The following TAF1B variants were observed in gnomAD, a reference collection of about 807,000 sequenced individuals.
The protein encoded by TAF1B is TATA-box binding protein associated factor, RNA polymerase I subunit B.
TAF1B carries 61 observed loss-of-function variants against 83.9 expected under a neutral mutation model. The observed-to-expected ratio is 0.73, with a 90% CI of 0.59 to 0.90. The LOEUF (loss-of-function observed/expected upper bound fraction) is 0.90. Among genes scored for constraint, TAF1B ranks in the 40% least tolerant of loss-of-function variants. The pLI is 0.00. For synonymous variants in TAF1B, 221 were observed against 224.6 expected (o/e 0.98, Z 0.14); for missense variants, 625 against 677.0 (o/e 0.92, Z 0.85).
At chr2:9,857,052 G>A (rs1663588013) in intron 5 of TAF1B, among the ~76,000 whole-genome samples, 2 of 152,164 alleles carry the variant, frequency 1.3e-5, no homozygotes, top group South Asian at 4.1e-4. Flanking sequence ...AAATTAACAA[G>A]CAAATATAGA....
chr2:9,845,974 C>T, intron 2 of TAF1B: 1 of 378,960 alleles, frequency 2.6e-6, no homozygotes. Flanking sequence ...CAGAGCAAGA[C>T]TCTGTCTAAA....
chr2:9,922,052 CA>C (rs1665895119), intron 14 of TAF1B, among the ~76,000 whole-genome samples: 1 of 152,168 alleles, frequency 6.6e-6, no homozygotes, highest in Non-Finnish European at 1.5e-5. Flanking sequence ...ATCTCATCCC[CA>C]TATTGACATA....
At chr2:9,846,170 A>AT in intron 2 of TAF1B, 1 of 466,572 alleles carries the variant, frequency 2.1e-6, no homozygotes, top group South Asian at 1.6e-5. Flanking sequence ...AAGTTACCCA[A>AT]GTACCAGGAC....
At chr2:9,851,138 C>T (rs555036205) in intron 3 of TAF1B, among the ~76,000 whole-genome samples, 15 of 152,156 alleles carry the variant, frequency 9.9e-5, no homozygotes, top group Admixed American at 2.0e-4. Flanking sequence ...TGCTGGGCAT[C>T]GTTCATCATT....
intron 12 of TAF1B, among the ~76,000 whole-genome samples, chr2:9,916,147 A>G (rs1244259459): frequency 6.6e-6 from 1 of 152,234 alleles, no homozygotes; most frequent in African/African-American, 2.4e-5. Flanking sequence ...ACACACATGC[A>G]ACTGTATGTG....
intron 11 of TAF1B, among the ~76,000 whole-genome samples, 197 bp from the exon 12 acceptor site, chr2:9,912,961 CT>C (rs1665577119): frequency 6.6e-6 from 1 of 152,188 alleles, no homozygotes; most frequent in African/African-American, 2.4e-5. Context: ...AGAATAATCC[CT>C]GTATGGAGTG....
intron 7 of TAF1B, among the ~76,000 whole-genome samples, chr2:9,877,288 G>C (rs1485700047): frequency 6.6e-6 from 1 of 152,064 alleles, no homozygotes; most frequent in Non-Finnish European, 1.5e-5. Flanking sequence ...ATGTCTTTAT[G>C]GTATCTCAGA....
At chr2:9,896,416 T>G (rs917607167) in intron 8 of TAF1B, among the ~76,000 whole-genome samples, 2 of 152,186 alleles carry the variant, frequency 1.3e-5, no homozygotes, top group African/African-American at 4.8e-5. Context: ...CCCCCTTCCA[T>G]GCCTTAGCTT....
chr2:9,847,755 G>C (rs903646400), intron 2 of TAF1B, among the ~76,000 whole-genome samples: 5 of 152,182 alleles, frequency 3.3e-5, no homozygotes, highest in African/African-American at 1.2e-4. Context: ...GAATGTAAGA[G>C]ATTTTTATGA....
At chr2:9,853,952 A>AT (rs1663479451) in intron 4 of TAF1B, among the ~76,000 whole-genome samples, 1 of 152,066 alleles carries the variant, frequency 6.6e-6, no homozygotes, top group Non-Finnish European at 1.5e-5. Flanking sequence ...ATTAAGAAGG[A>AT]TTTTTTCAGC....
At chr2:9,931,715 G>C (rs1341027260) in intron 14 of TAF1B, among the ~76,000 whole-genome samples, 3 of 152,162 alleles carry the variant, frequency 2.0e-5, no homozygotes, top group Non-Finnish European at 4.4e-5. Context: ...ATGTTGGCCT[G>C]CCTTGCTAGG....
At chr2:9,892,939 A>T (rs1664915131) in intron 8 of TAF1B, among the ~76,000 whole-genome samples, 1 of 152,058 alleles carries the variant, frequency 6.6e-6, no homozygotes, top group African/African-American at 2.4e-5. Context: ...TCATCTTTTT[A>T]AATTAATTTT....
chr2:9,857,498 G>A (rs1663601523), intron 5 of TAF1B, among the ~76,000 whole-genome samples: 1 of 152,210 alleles, frequency 6.6e-6, no homozygotes, highest in Non-Finnish European at 1.5e-5. Context: ...TGAAGGGTAA[G>A]TGGGCCAGGA....
Position 9,884,322 on chromosome 2 carries a change from C to T in TAF1B, c.807+1517C>T, listed in dbSNP as rs573550081. 3.9e-5 allele frequency among the ~76,000 whole-genome samples: 6 copies of T among 152,320 alleles called. No individual in the cohort carries two copies. The South Asian group carries it at 6.2e-4, about 16-fold the overall frequency. ...CCCAGGTCTGGACTCCCCAAAGGAC[C>T]GCAGCTCTTCTTTCCTTCTCTTTGC... is the stretch of plus-strand genomic sequence containing the variant. On this transcript the variant is annotated intron_variant, in intron 8 of 14. Transcript: ENST00000263663.
intron 2 of TAF1B, among the ~76,000 whole-genome samples, 194 bp from the exon 3 acceptor site, chr2:9,849,179 C>A (rs1417398585): frequency 6.6e-6 from 1 of 152,090 alleles, no homozygotes; most frequent in Non-Finnish European, 1.5e-5. Context: ...GTTTTAGTTA[C>A]TGAGAAATTT....
chr2:9,854,377 G>A lies in TAF1B; in HGVS notation c.355G>A (p.Ala119Thr), dbSNP rs867453438. Residue 119 changes from alanine (A) to threonine (T), a missense_variant, in exon 5 of 15, where the codon GCA (alanine) becomes ACA (threonine). Ala to Thr is a moderately conservative substitution (Grantham distance 58). Transcript: ENST00000263663. ...GCGCTACCTTCAGAAGAGCAAGCAG[G>A]CATATTGTAAGAACCCAGTTTATAC... ...WKRYLQKSKQAYCKNPVYTTG... is the reference protein window; with the variant it reads ...WKRYLQKSKQTYCKNPVYTTG... 1.9e-6 allele frequency: 3 copies of A among 1,613,922 alleles called. No homozygotes were observed. Among genetic ancestry groups the A allele is most frequent in the African/African-American group, 2.7e-5 (2 of 74,924 alleles).
intron 14 of TAF1B, among the ~76,000 whole-genome samples, chr2:9,923,118 G>A (rs892553834): frequency 6.6e-6 from 1 of 150,838 alleles, no homozygotes; most frequent in Non-Finnish European, 1.5e-5. Flanking sequence ...TGGTGCACGT[G>A]TATAATCTAC....
intron 2 of TAF1B, among the ~76,000 whole-genome samples, chr2:9,849,101 T>G (rs2125134110): frequency 6.6e-6 from 1 of 152,336 alleles, no homozygotes; most frequent in East Asian, 1.9e-4. Flanking sequence ...TTGTAAAAGT[T>G]AAAAAGTGAT....
chr2:9,852,682 G>T (rs1037884293), intron 4 of TAF1B, among the ~76,000 whole-genome samples: 1 of 152,228 alleles, frequency 6.6e-6, no homozygotes. Flanking sequence ...AGTATAGATG[G>T]GGTTTCACCA....
Sources: gnomAD v4.1 joint callset for allele counts (sites outside exome capture counted in the v4.1 genomes callset) on GRCh38, gnomAD v4.1.1 for gene constraint, MANE v1.5 for transcripts, NCBI Gene and HGNC (gene_info 2026-07-23, HGNC 2026-07-21) for gene names.